ATRNL1: variants seen among roughly 807,000 people sequenced by gnomAD.
The protein encoded by ATRNL1 is attractin like 1, also known as attractin-like protein 1.
In ATRNL1, 95 loss-of-function variants were observed where a neutral mutation model predicts 182.7. That is an observed-to-expected ratio of 0.52 (90% CI 0.44 to 0.62). ATRNL1 has a LOEUF of 0.62. ATRNL1 is among the 20% of genes least tolerant of loss of function. ATRNL1 has a pLI of 0.00. For missense variants in ATRNL1, 1,471 were observed against 1,679.5 expected, an observed-to-expected ratio of 0.88 and a Z score of 2.17; for synonymous variants, 576 against 568.3, an observed-to-expected ratio of 1.01 and a Z score of -0.19.
At chr10:115,118,218 G>C (rs1223319774) in intron 1 of ATRNL1, among the ~76,000 whole-genome samples, 2 of 151,984 alleles carry the variant, frequency 1.3e-5, no homozygotes, top group Non-Finnish European at 2.9e-5. Context: ...GATCCCATTT[G>C]TCCATTTTTG....
intron 20 of ATRNL1, among the ~76,000 whole-genome samples, chr10:115,397,477 C>G (rs1345246227): frequency 6.6e-6 from 1 of 151,774 alleles, no homozygotes; most frequent in Non-Finnish European, 1.5e-5. Flanking sequence ...TGTCTGTGTC[C>G]TTTACTAGAG....
intron 13 of ATRNL1, among the ~76,000 whole-genome samples, chr10:115,269,708 G>A (rs1440268285): frequency 2.6e-5 from 4 of 152,040 alleles, no homozygotes; most frequent in African/African-American, 9.7e-5. Context: ...TGAATATAAT[G>A]TATCATTTTT....
At chr10:115,828,050 G>A (rs1950476949) in intron 27 of ATRNL1, among the ~76,000 whole-genome samples, 2 of 152,132 alleles carry the variant, frequency 1.3e-5, no homozygotes, top group African/African-American at 2.4e-5. Flanking sequence ...GGGCACGGGG[G>A]CTCACGCCTG....
At chr10:115,579,845 G>T (rs1483414884) in intron 26 of ATRNL1, among the ~76,000 whole-genome samples, 3 of 151,692 alleles carry the variant, frequency 2.0e-5, no homozygotes, top group Non-Finnish European at 4.4e-5. Flanking sequence ...TGTATTGCTA[G>T]ATTTTAATTG....
chr10:115,418,140 G>A (rs377054722), intron 20 of ATRNL1, among the ~76,000 whole-genome samples: 1 of 152,220 alleles, frequency 6.6e-6, no homozygotes. Flanking sequence ...CAAAATAGCT[G>A]TTTTTAGAAA....
At chr10:115,643,435 T>C (rs1374947289) in intron 26 of ATRNL1, among the ~76,000 whole-genome samples, 1 of 152,116 alleles carries the variant, frequency 6.6e-6, no homozygotes, top group African/African-American at 2.4e-5. Flanking sequence ...ACTTTCTAGG[T>C]ATGATATCAA....
At chr10:115,798,168 C>T (rs1187468245) in intron 27 of ATRNL1, among the ~76,000 whole-genome samples, 3 of 152,158 alleles carry the variant, frequency 2.0e-5, no homozygotes, top group Non-Finnish European at 2.9e-5. Flanking sequence ...CCGCCCACCT[C>T]GGCCTCCCCA....
chr10:115,301,779 A>T, intron 16 of ATRNL1, 76 bp from the exon 17 acceptor site: 1 of 1,304,138 alleles, frequency 7.7e-7, no homozygotes, highest in South Asian at 1.9e-5. Flanking sequence ...CCTGAACAGC[A>T]AAGCAAAGAA....
Position 115,625,929 on chromosome 10 carries a change from A to C in ATRNL1, c.3795+76393A>C, listed in dbSNP as rs558076941. On this transcript the variant is annotated intron_variant, in intron 26 of 28. Transcript: ENST00000355044. ...CTGTCAGTATAAAGATTATCCTTGA[A>C]TGCATACCCTTACTTAAACAATCCT... Among the ~76,000 whole-genome samples, 150 of 152,256 alleles carry C rather than the reference A, an allele frequency of 9.9e-4. 1 individual carries two copies. The highest frequency in any genetic ancestry group is 3.5e-3 in the African/African-American group (144 of 41,570).
intron 26 of ATRNL1, among the ~76,000 whole-genome samples, chr10:115,622,443 T>G (rs1857828735): frequency 6.6e-6 from 1 of 152,174 alleles, no homozygotes; most frequent in South Asian, 2.1e-4. Flanking sequence ...AAAGTTTTTG[T>G]TACAGACATT....
intron 8 of ATRNL1, among the ~76,000 whole-genome samples, chr10:115,175,037 G>A (rs1847446011): frequency 6.6e-6 from 1 of 151,800 alleles, no homozygotes; most frequent in Admixed American, 6.6e-5. Context: ...TTTTCATTGA[G>A]GATGTACACT....
chr10:115,401,636 A>G (rs151187053), intron 20 of ATRNL1, among the ~76,000 whole-genome samples: 42 of 152,284 alleles, frequency 2.8e-4, no homozygotes, highest in African/African-American at 9.1e-4. Flanking sequence ...CTTTCTTGAA[A>G]TCCTACCACA....
At chr10:115,499,104 A>G (rs1849688994) in intron 24 of ATRNL1, among the ~76,000 whole-genome samples, 1 of 152,162 alleles carries the variant, frequency 6.6e-6, no homozygotes, top group Non-Finnish European at 1.5e-5. Context: ...TCTCATAAAT[A>G]TGCAAATACT....
At chr10:115,472,005 C>T (rs1554972226) in intron 24 of ATRNL1, among the ~76,000 whole-genome samples, 1 of 150,762 alleles carries the variant, frequency 6.6e-6, no homozygotes, top group Non-Finnish European at 1.5e-5. Context: ...ATCTTTAATC[C>T]ATTTTGAGTT....
chr10:115,910,474 A>G (rs532056395), intron 28 of ATRNL1, among the ~76,000 whole-genome samples: 1 of 152,142 alleles, frequency 6.6e-6, no homozygotes, highest in East Asian at 1.9e-4. Context: ...CCAGTAACTG[A>G]GCCACCCCCC....
intron 28 of ATRNL1, among the ~76,000 whole-genome samples, chr10:115,874,381 T>C (rs1555106748): frequency 6.6e-6 from 1 of 152,230 alleles, no homozygotes; most frequent in African/African-American, 2.4e-5. Context: ...ATCAGGTCCC[T>C]GCCTTGTCTT....
intron 27 of ATRNL1, among the ~76,000 whole-genome samples, chr10:115,802,516 T>A (rs150834113): frequency 6.6e-6 from 1 of 152,212 alleles, no homozygotes; most frequent in African/African-American, 2.4e-5. Context: ...ATAAATACAA[T>A]TCATTTGAAG....
chr10:115,350,334 C>CCAAAAAA (rs1856176278), intron 19 of ATRNL1, among the ~76,000 whole-genome samples: 6 of 29,732 alleles, frequency 2.0e-4, no homozygotes, highest in Non-Finnish European at 3.1e-4. Flanking sequence ...GACTCTGTCT[C>CCAAAAAA]AAAAAAAAAA....
chr10:115,261,522 G>T (rs1253961620), intron 10 of ATRNL1, among the ~76,000 whole-genome samples: 1 of 152,118 alleles, frequency 6.6e-6, no homozygotes. Flanking sequence ...AAATGAAATT[G>T]CCAGATATCT....
Sources: gnomAD v4.1 joint callset for allele counts (sites outside exome capture counted in the v4.1 genomes callset) on GRCh38, gnomAD v4.1.1 for gene constraint, MANE v1.5 for transcripts, NCBI Gene and HGNC (gene_info 2026-07-23, HGNC 2026-07-21) for gene names.